NOTCH1: variants seen among roughly 807,000 people sequenced by gnomAD.
NOTCH1 encodes neurogenic locus notch homolog protein 1.
Under a neutral mutation model 254.8 loss-of-function variants are expected in NOTCH1, and 37 were observed. That is an observed-to-expected ratio of 0.15 (90% CI 0.11 to 0.19). NOTCH1 has a LOEUF of 0.19. Among genes scored for constraint, NOTCH1 ranks in the 10% least tolerant of loss-of-function variants. NOTCH1 has a pLI of 1.00. For synonymous variants in NOTCH1, 1,731 were observed against 1,618.1 expected (o/e 1.07, Z -1.68); for missense variants, 2,972 against 3,708.6 (o/e 0.80, Z 5.16).
rs1226362708 is a variant in NOTCH1 at position 136,495,907 on chromosome 9, A to C, written c.*164T>G. On this transcript the variant is annotated 3_prime_UTR_variant, in exon 34 of 34. Coordinates refer to ENST00000651671, the MANE Select transcript of NOTCH1 (RefSeq NM_017617.5). ...AAAGGCAGTGTTTCTGTGTAAAATA[A>C]AAGTACATAAATAAATACTAAAAAA... 1 of 738,362 alleles carries C rather than the reference A, an allele frequency of 1.4e-6. No homozygotes were observed. The highest frequency in any genetic ancestry group is 1.8e-5 in the African/African-American group (1 of 56,596). 45.7% of individuals were successfully genotyped at this position (738,362 alleles called of 1,614,324 possible).
At chr9:136,528,715 G>C (rs1187703373) in intron 2 of NOTCH1, among the ~76,000 whole-genome samples, 1 of 151,952 alleles carries the variant, frequency 6.6e-6, no homozygotes, top group Admixed American at 6.5e-5. Context: ...CTCCCCAGCA[G>C]AGCCACAGGT....
At position 136,545,664 on chromosome 9, in the gene NOTCH1, G is replaced by A; in HGVS notation, c.61+62C>T. 7.4e-7 allele frequency: 1 copy of A among 1,351,262 alleles called. No homozygotes were observed. Among genetic ancestry groups the A allele is most frequent in the East Asian group, 3.1e-5 (1 of 31,790 alleles). 83.7% of individuals were successfully genotyped at this position (1,351,262 alleles called of 1,614,324 possible). A position where few individuals can be genotyped will look rare whatever the true frequency, so the allele number is the denominator to read the frequency against. On this transcript the variant is annotated intron_variant, in intron 1 of 33. Coordinates refer to ENST00000651671, the MANE Select transcript of NOTCH1 (RefSeq NM_017617.5). The surrounding 1 kb of genome is among the most constrained non-coding windows in gnomAD (Gnocchi z 6.8). ...TCCCAGCCGTGGGGCGCGCGCGCCG[G>A]GCGCCGCCAAAGTTTCCAAAGGGCG...
chr9:136,499,379 G>T, intron 31 of NOTCH1, 120 bp from the exon 32 acceptor site: 1 of 1,422,828 alleles, frequency 7.0e-7, no homozygotes, highest in South Asian at 1.3e-5. Flanking sequence ...AGACCCTCCT[G>T]AGATCGGCAC....
At chr9:136,503,014 TG>T (rs1359246168) in intron 27 of NOTCH1, 167 bp downstream of exon 27, 2 of 978,422 alleles carry the variant, frequency 2.0e-6, no homozygotes, top group African/African-American at 1.6e-5. Flanking sequence ...CCGCCGCAGG[TG>T]GGGGCGGAGT....
intron 2 of NOTCH1, among the ~76,000 whole-genome samples, chr9:136,531,030 C>T (rs1403871653): frequency 6.6e-6 from 1 of 152,264 alleles, no homozygotes; most frequent in Non-Finnish European, 1.5e-5. Flanking sequence ...CTCCTGTTCT[C>T]CTCTGGAGTG....
chr9:136,494,722 G>C lies in NOTCH1; in HGVS notation c.*1349C>G. Reference sequence around the variant, plus strand: ...AGTGCATGGGCGGCTAAGGCTCCCCGAGCTGAGCCAAGTCTGACGTCCCTC... The same window carrying C: ...AGTGCATGGGCGGCTAAGGCTCCCCCAGCTGAGCCAAGTCTGACGTCCCTC... On this transcript the variant is annotated 3_prime_UTR_variant, in exon 34 of 34. Coordinates refer to ENST00000651671, the MANE Select transcript of NOTCH1 (RefSeq NM_017617.5). 2 of 398,692 alleles carry C rather than the reference G, an allele frequency of 5.0e-6. No homozygotes were observed. Among genetic ancestry groups the C allele is most frequent in the East Asian group, 7.1e-5 (2 of 28,204 alleles). 24.7% of individuals were successfully genotyped at this position (398,692 alleles called of 1,614,324 possible). A position where few individuals can be genotyped will look rare whatever the true frequency, so the allele number is the denominator to read the frequency against.
At position 136,535,463 on chromosome 9, in the gene NOTCH1, GC is replaced by G. The variant is rs1330973996; in HGVS notation, c.140+8560del. On this transcript the variant is annotated intron_variant, in intron 2 of 33. Transcript: ENST00000651671. ...CCCAGGGGCAATGGGTGCAGGGTAGGCGGGGAGCACTCAGGATCCCTCCCAG... is the reference window on the plus strand; with the variant it reads ...CCCAGGGGCAATGGGTGCAGGGTAGGGGGGAGCACTCAGGATCCCTCCCAG... 8.1e-4 allele frequency among the ~76,000 whole-genome samples: 111 copies of G among 137,712 alleles called. 1 individual carries two copies. The highest frequency in any genetic ancestry group is 1.4e-3 in the Non-Finnish European group (92 of 64,018). The allele number at this position is 137,712 out of a possible 152,430, so 90.3% of individuals were successfully genotyped here.
At chr9:136,541,201 C>T (rs1843727715) in intron 2 of NOTCH1, among the ~76,000 whole-genome samples, 1 of 152,150 alleles carries the variant, frequency 6.6e-6, no homozygotes, top group South Asian at 2.1e-4. Context: ...TTCTACCTGG[C>T]CACTGGCTGA....
At chr9:136,514,368 C>T (rs1843228795) in intron 13 of NOTCH1, 142 bp downstream of exon 13, 1 of 875,898 alleles carries the variant, frequency 1.1e-6, no homozygotes, top group African/African-American at 1.7e-5. Context: ...ATGTGCGTCC[C>T]CGAGGGGAGC....
chr9:136,523,872 G>T lies in NOTCH1; in HGVS notation c.248C>A (p.Ala83Glu). ...CAGGGCACAGCTGCAGGCATAGTCT[G>T]CCACGCCTCTGCGGTCCACCACGTG... is the stretch of plus-strand genomic sequence containing the variant. ...TCHVVDRRGV[A>E]DYACSCALGF... The change falls in exon 3 of 34, where the codon GCA becomes GAA. Residue 83 changes from alanine (A) to glutamate (E), a missense_variant. By Grantham distance (107) the Ala-to-Glu change is moderately radical (BLOSUM62 -1). Coordinates refer to ENST00000651671, the MANE Select transcript of NOTCH1 (RefSeq NM_017617.5). The T allele has an allele frequency of 6.2e-7, 1 of 1,610,870 alleles. No homozygotes were observed. The highest frequency in any genetic ancestry group is 8.5e-7 in the Non-Finnish European group (1 of 1,179,292).
chr9:136,508,937 G>C lies in NOTCH1; in HGVS notation c.3104C>G (p.Thr1035Ser). ...GTAGGAGCCGCAGCCGTCCTGACAG[G>C]TGCCGCCATGCAGGCAGGGCTGTGA... ...CDSQPCLHGG[T>S]CQDGCGSYRC... is the part of the protein sequence containing the mutation. Residue 1035 changes from threonine (T) to serine (S), a missense_variant, in exon 19 of 34, where the codon ACC becomes AGC. Transcript: ENST00000651671. 2.6e-6 allele frequency: 4 copies of C among 1,550,118 alleles called. No individual in the cohort carries two copies. Among genetic ancestry groups the C allele is most frequent in the Non-Finnish European group, 3.5e-6 (4 of 1,147,516 alleles).
chr9:136,501,936 G>C (rs769613180), intron 29 of NOTCH1, 23 bp from the exon 30 acceptor site: 1 of 1,611,272 alleles, frequency 6.2e-7, no homozygotes, highest in Non-Finnish European at 8.5e-7. Context: ...AGTGAGCAGA[G>C]CCTGTCAGGG....
At chr9:136,508,437 G>A (rs1274303687) in intron 19 of NOTCH1, 52 bp from the exon 20 acceptor site, 5 of 1,611,280 alleles carry the variant, frequency 3.1e-6, no homozygotes, top group Non-Finnish European at 4.2e-6. Flanking sequence ...CATTTCCCCG[G>A]TAGCTCAGAA....
chr9:136,524,420 C>T (rs566557267), intron 2 of NOTCH1, among the ~76,000 whole-genome samples: 29 of 152,288 alleles, frequency 1.9e-4, no homozygotes, highest in African/African-American at 6.7e-4. Context: ...GGGTCTACAC[C>T]CGCGGAGAGC....
chr9:136,544,296 C>G (rs1164244255), intron 1 of NOTCH1, among the ~76,000 whole-genome samples, 194 bp from the exon 2 acceptor site: 3 of 152,130 alleles, frequency 2.0e-5, no homozygotes, highest in Non-Finnish European at 4.4e-5. Context: ...ACCAAAGGGG[C>G]GTCAACATTC....
chr9:136,510,566 T>G (rs952016026), intron 17 of NOTCH1, 87 bp downstream of exon 17: 1 of 1,508,382 alleles, frequency 6.6e-7, no homozygotes, highest in Non-Finnish European at 8.9e-7. Context: ...TGGGTGCTTA[T>G]GGCCAGCACC....
chr9:136,544,603 A>C (rs997834663), intron 1 of NOTCH1, among the ~76,000 whole-genome samples: 3 of 151,524 alleles, frequency 2.0e-5, no homozygotes, highest in African/African-American at 7.3e-5. Context: ...CCGTGGGAAA[A>C]TGCGACAGCT....
At chr9:136,520,273 T>C (rs1445364251) in intron 4 of NOTCH1, among the ~76,000 whole-genome samples, 1 of 152,110 alleles carries the variant, frequency 6.6e-6, no homozygotes, top group East Asian at 1.9e-4. Context: ...CGAGATGCCT[T>C]TGAACCCCCG....
chr9:136,521,567 T>C (rs956836232), intron 4 of NOTCH1, among the ~76,000 whole-genome samples: 1 of 152,084 alleles, frequency 6.6e-6, no homozygotes, highest in African/African-American at 2.4e-5. Context: ...CCCCAAGAGC[T>C]TGGCCCCTCA....
Sources: gnomAD v4.1 joint callset for allele counts (sites outside exome capture counted in the v4.1 genomes callset) on GRCh38, gnomAD v4.1.1 for gene constraint, Gnocchi (gnomAD v3.1) non-coding constraint, MANE v1.5 for transcripts, NCBI Gene and HGNC (gene_info 2026-07-23, HGNC 2026-07-21) for gene names.